The following KIF16B variants were observed in gnomAD, a reference collection of about 807,000 sequenced individuals.
KIF16B encodes the protein kinesin family member 16B, also known as kinesin-like protein KIF16B.
Under a neutral mutation model 156.3 loss-of-function variants are expected in KIF16B, and 98 were observed. That is an observed-to-expected ratio of 0.63 (90% CI 0.53 to 0.74). The LOEUF is 0.74. KIF16B is among the 30% of genes least tolerant of loss of function. The pLI is 0.00. For missense variants in KIF16B, 1,421 were observed against 1,606.5 expected, an observed-to-expected ratio of 0.88 and a Z score of 1.97; for synonymous variants, 564 against 583.7, an observed-to-expected ratio of 0.97 and a Z score of 0.49.
chr20:16,277,459 T>TTATATA (rs60624017), intron 25 of KIF16B, among the ~76,000 whole-genome samples: 8,881 of 143,766 alleles, frequency 0.062, 318 homozygotes, highest in African/African-American at 0.098. Flanking sequence ...TATGTACATA[T>TTATATA]TATATATATA....
At chr20:16,548,407 A>G (rs2070495746) in intron 1 of KIF16B, among the ~76,000 whole-genome samples, 1 of 152,226 alleles carries the variant, frequency 6.6e-6, no homozygotes, top group South Asian at 2.1e-4. Flanking sequence ...GCCCCAGGTC[A>G]TGAAGCAGTA....
intron 12 of KIF16B, among the ~76,000 whole-genome samples, chr20:16,477,202 T>TTTTTC (rs67735700): frequency 7.2e-6 from 1 of 139,310 alleles, no homozygotes; most frequent in Non-Finnish European, 1.5e-5. Flanking sequence ...TTTTTTTTTC[T>TTTTTC]CTCCTTAAAA....
rs373095992 is a variant in KIF16B at position 16,380,165 on chromosome 20, T to C, written c.1839-2A>G. 7 of 1,508,050 alleles carry C rather than the reference T, an allele frequency of 4.6e-6. No homozygotes were observed. In the African/African-American group the frequency reaches 8.4e-5, roughly 18 times the overall value. 93.4% of individuals were successfully genotyped at this position (1,508,050 alleles called of 1,614,324 possible). Reference sequence around the variant, plus strand: ...TCCTCCATTTCTTCTATGAGTTTCCTGAAATGCAAAGCACTGACTGGTTGT... The same window carrying C: ...TCCTCCATTTCTTCTATGAGTTTCCCGAAATGCAAAGCACTGACTGGTTGT... On this transcript the variant is annotated splice_acceptor_variant, in intron 18 of 25. Transcript: ENST00000354981. LOFTEE classifies it high-confidence loss of function.
intron 3 of KIF16B, among the ~76,000 whole-genome samples, chr20:16,518,235 C>T (rs1160310332): frequency 6.6e-6 from 1 of 152,162 alleles, no homozygotes; most frequent in African/African-American, 2.4e-5. Context: ...CTCCAGAGGT[C>T]TTGGCAAGGA....
At chr20:16,278,513 C>T (rs1000481717) in intron 25 of KIF16B, among the ~76,000 whole-genome samples, 8 of 152,096 alleles carry the variant, frequency 5.3e-5, no homozygotes, top group Non-Finnish European at 1.2e-4. Flanking sequence ...TAGAGTACCT[C>T]GATTTCATGA....
Position 16,573,219 on chromosome 20 carries a change from C to T in KIF16B, c.47+10G>A. The stretch of plus-strand genomic sequence containing the variant: ...CGACGAGGGGGCGGGGCGCGGGCGG[C>T]CCCACTCACCTGCGATTCATGGGCC... On this transcript the variant is annotated intron_variant, in intron 1 of 25. Transcript: ENST00000354981. The T allele has an allele frequency of 6.3e-7, 1 of 1,586,182 alleles. No homozygotes were observed. The highest frequency in any genetic ancestry group is 1.8e-5 in the Admixed American group (1 of 56,928).
intron 10 of KIF16B, among the ~76,000 whole-genome samples, chr20:16,500,922 T>A (rs1328189668): frequency 6.6e-6 from 1 of 152,164 alleles, no homozygotes. Context: ...GTTTTTCATT[T>A]CTATACTGTT....
At chr20:16,351,985 C>T (rs981595110) in intron 23 of KIF16B, among the ~76,000 whole-genome samples, 1 of 152,216 alleles carries the variant, frequency 6.6e-6, no homozygotes, top group Non-Finnish European at 1.5e-5. Flanking sequence ...ATCTCCAAAA[C>T]ATTACATTAA....
At chr20:16,285,056 C>T (rs1240191070) in intron 25 of KIF16B, among the ~76,000 whole-genome samples, 1 of 152,214 alleles carries the variant, frequency 6.6e-6, no homozygotes, top group Non-Finnish European at 1.5e-5. Flanking sequence ...CATGTGGCTA[C>T]TGAGCACTTA....
At position 16,370,625 on chromosome 20, in the gene KIF16B, T is replaced by A; in HGVS notation, c.3459A>T (p.Lys1153Asn). Residue 1153 changes from lysine to asparagine, a missense_variant, in exon 22 of 26, where the codon AAA (lysine) becomes AAT (asparagine). Lys to Asn is a moderately conservative substitution (Grantham distance 94). Coordinates refer to ENST00000354981, the MANE Select transcript of KIF16B (RefSeq NM_024704.5). ...TSADTMKDNE[K>N]LHNGTIQRKL... ...TACGTTGAATGGTGCCATTGTGAAG[T>A]TTCTCATTATCCTGAAAAGAAAAGA... 1 of 1,584,468 alleles carries A rather than the reference T, an allele frequency of 6.3e-7. No homozygotes were observed. The highest frequency in any genetic ancestry group is 8.5e-7 in the Non-Finnish European group (1 of 1,171,418).
In KIF16B at chr20:16,273,094, A is replaced by C; in HGVS notation, c.*159T>G. On this transcript the variant is annotated 3_prime_UTR_variant, in exon 26 of 26. Coordinates refer to ENST00000354981, the MANE Select transcript of KIF16B (RefSeq NM_024704.5). ...GAGCATCCCATCCCCAAACTCAGGCACTAGGTATGGAAACGTGAGGTGGCC... is the reference window on the plus strand; with the variant it reads ...GAGCATCCCATCCCCAAACTCAGGCCCTAGGTATGGAAACGTGAGGTGGCC... 1.5e-6 allele frequency: 1 copy of C among 651,160 alleles called. No individual in the cohort carries two copies. The highest frequency in any genetic ancestry group is 2.7e-6 in the Non-Finnish European group (1 of 365,180). 40.3% of individuals were successfully genotyped at this position (651,160 alleles called of 1,614,324 possible). A position where few individuals can be genotyped will look rare whatever the true frequency, so the allele number is the denominator to read the frequency against.
chr20:16,465,251 A>G (rs932012542), intron 12 of KIF16B, among the ~76,000 whole-genome samples: 6 of 152,186 alleles, frequency 3.9e-5, no homozygotes, highest in Non-Finnish European at 5.9e-5. Context: ...AAACAAACCA[A>G]TTCCACAGTG....
chr20:16,308,129 T>A (rs718843), intron 25 of KIF16B, among the ~76,000 whole-genome samples: 55,395 of 152,046 alleles, frequency 0.36, 10,399 homozygotes, highest in African/African-American at 0.45. Context: ...AGCTGTAAGC[T>A]ACAGAGATTC....
intron 25 of KIF16B, among the ~76,000 whole-genome samples, chr20:16,307,134 G>A (rs1049309981): frequency 6.6e-6 from 1 of 152,124 alleles, no homozygotes; most frequent in Non-Finnish European, 1.5e-5. Flanking sequence ...AAATTTCCTA[G>A]GATGGCTCAG....
intron 1 of KIF16B, among the ~76,000 whole-genome samples, chr20:16,567,657 G>A (rs1283036557): frequency 6.6e-6 from 1 of 152,144 alleles, no homozygotes; most frequent in East Asian, 1.9e-4. Context: ...AATTGCCAAG[G>A]TAAAGAAATA....
At chr20:16,563,121 C>G (rs2071127566) in intron 1 of KIF16B, among the ~76,000 whole-genome samples, 1 of 152,204 alleles carries the variant, frequency 6.6e-6, no homozygotes, top group South Asian at 2.1e-4. Context: ...TATTTCCTAT[C>G]TCATGGACAG....
intron 17 of KIF16B, among the ~76,000 whole-genome samples, chr20:16,395,659 C>A (rs2065482523): frequency 6.9e-6 from 1 of 145,590 alleles, no homozygotes. Flanking sequence ...TAGCTCAGCA[C>A]AGAACTAATT....
intron 25 of KIF16B, among the ~76,000 whole-genome samples, chr20:16,299,250 A>G (rs547632185): frequency 6.6e-6 from 1 of 152,228 alleles, no homozygotes; most frequent in Admixed American, 6.5e-5. Context: ...GTGTGTGCAT[A>G]TAAATAAGAT....
chr20:16,477,645 C>A (rs1476719875), intron 12 of KIF16B, among the ~76,000 whole-genome samples: 2 of 152,134 alleles, frequency 1.3e-5, no homozygotes, highest in Admixed American at 1.3e-4. Context: ...GATTTGCCAA[C>A]AGAGTAAGTT....
Sources: allele counts gnomAD v4.1 joint callset (sites outside exome capture counted in the v4.1 genomes callset), GRCh38; gene constraint gnomAD v4.1.1; transcripts MANE v1.5; gene names NCBI Gene and HGNC (gene_info 2026-07-23, HGNC 2026-07-21).